FAM149A: variants seen among roughly 807,000 people sequenced by gnomAD.
The protein encoded by FAM149A is protein FAM149A.
Under a neutral mutation model 78.2 loss-of-function variants are expected in FAM149A, and 71 were observed. The observed-to-expected ratio is 0.91, with a 90% CI of 0.75 to 1.11. The LOEUF is 1.11. Ranked by LOEUF, FAM149A falls within the 50% of genes least tolerant of loss-of-function variation. FAM149A has a pLI of 0.00. For missense variants in FAM149A, 1,036 were observed against 971.0 expected (o/e 1.07, Z -0.89); for synonymous variants, 446 against 410.5 (o/e 1.09, Z -1.04).
chr4:186,118,072 G>A, intron 1 of FAM149A: 3 of 985,404 alleles, frequency 3.0e-6, no homozygotes, highest in Non-Finnish European at 3.6e-6. Flanking sequence ...CCAGGCACGG[G>A]GCTGGACATT....
chr4:186,116,474 T>G (rs1214140941), intron 1 of FAM149A: 4 of 984,948 alleles, frequency 4.1e-6, no homozygotes, highest in Non-Finnish European at 4.8e-6. Context: ...TTAAAGATAA[T>G]AATGAATTCA....
chr4:186,132,614 A>G (rs2099321178), intron 1 of FAM149A, among the ~76,000 whole-genome samples: 1 of 152,082 alleles, frequency 6.6e-6, no homozygotes, highest in African/African-American at 2.4e-5. Context: ...GCTGGAGGGG[A>G]TAGGAGGGTA....
Position 186,144,924 on chromosome 4 carries a change from G to GGCGGGC in FAM149A, c.567-4217_567-4212dup, listed in dbSNP as rs749317405. On this transcript the variant is annotated intron_variant, in intron 1 of 13. Coordinates refer to ENST00000389354, the MANE Select transcript of FAM149A (RefSeq NM_001367768.3). This position sits in a 1 kb window ranked among gnomAD's most constrained non-coding sequence, Gnocchi z 4.2. ...GCCGCCTGAGCTGGGCCAGCCGCGCGGCGGGCGCGGGCGCGGGCGCGGGCG... is the reference window on the plus strand; with the variant it reads ...GCCGCCTGAGCTGGGCCAGCCGCGCGGCGGGCGCGGGCGCGGGCGCGGGCGCGGGCG... 943 of 970,516 alleles carry GGCGGGC rather than the reference G, an allele frequency of 9.7e-4. 3 individuals are homozygous for GGCGGGC. In the East Asian group the frequency reaches 0.012, roughly 13 times the overall value. The allele number at this position is 970,516 out of a possible 1,614,324, so 60.1% of individuals were successfully genotyped here.
At chr4:186,169,242 AT>A in intron 13 of FAM149A, 5 of 983,808 alleles carry the variant, frequency 5.1e-6, no homozygotes, top group Non-Finnish European at 6.0e-6. Context: ...TTCTACAATT[AT>A]AAAAAATAAT....
intron 8 of FAM149A, chr4:186,158,243 C>A: frequency 8.0e-7 from 1 of 1,253,820 alleles, no homozygotes; most frequent in Non-Finnish European, 1.0e-6. Flanking sequence ...GGCAGCCTTC[C>A]GGGAGCCATG....
chr4:186,161,024 G>C, intron 8 of FAM149A: 1 of 194,620 alleles, frequency 5.1e-6, no homozygotes, highest in Non-Finnish European at 9.4e-6. Flanking sequence ...TTCAATAAGT[G>C]TTACCTTTTG....
intron 8 of FAM149A, chr4:186,158,094 G>C: frequency 7.5e-7 from 1 of 1,341,390 alleles, no homozygotes; most frequent in Non-Finnish European, 9.8e-7. Flanking sequence ...TCGTGCCATT[G>C]TTGCTGTTGA....
At position 186,165,381 on chromosome 4, in the gene FAM149A, C is replaced by T; in HGVS notation, c.1927C>T (p.Gln643Ter). The T allele has an allele frequency of 6.2e-7, 1 of 1,614,212 alleles. No individual in the cohort carries two copies. Among genetic ancestry groups the T allele is most frequent in the South Asian group, 1.1e-5 (1 of 91,082 alleles). The stretch of plus-strand genomic sequence containing the variant: ...GGACCACATGGCTTCCCCACTGGTT[C>T]AAACGTCACGGAGCAGGTTCCCCCC... The change falls in exon 11 of 14, where the codon CAA becomes TAA. Residue 643 changes from glutamine (Q) to a stop codon, truncating the protein, a stop_gained. Coordinates refer to ENST00000389354, the MANE Select transcript of FAM149A (RefSeq NM_001367768.3). LOFTEE classifies it high-confidence loss of function.
chr4:186,152,602 T>G (rs1733680691), intron 4 of FAM149A, among the ~76,000 whole-genome samples: 2 of 138,198 alleles, frequency 1.4e-5, no homozygotes, highest in Admixed American at 8.2e-5. Context: ...TGGAGTGCAG[T>G]GGCGCGATCT....
chr4:186,156,277 T>C, intron 7 of FAM149A, 87 bp downstream of exon 7: 1 of 1,079,638 alleles, frequency 9.3e-7, no homozygotes, highest in Non-Finnish European at 1.4e-6. Context: ...TGGCCAGACC[T>C]AGAACGTGAC....
intron 3 of FAM149A, among the ~76,000 whole-genome samples, chr4:186,151,294 G>A (rs760211859): frequency 6.6e-6 from 1 of 152,154 alleles, no homozygotes; most frequent in African/African-American, 2.4e-5. Context: ...CAAATTCTAG[G>A]ATTCTTTTAG....
intron 1 of FAM149A, among the ~76,000 whole-genome samples, chr4:186,121,083 AT>A (rs1175276147): frequency 6.6e-6 from 1 of 151,830 alleles, no homozygotes; most frequent in Non-Finnish European, 1.5e-5. Flanking sequence ...TAAAGCATTC[AT>A]TTTTTCAACT....
At chr4:186,123,094 T>C in intron 1 of FAM149A, 1 of 360,072 alleles carries the variant, frequency 2.8e-6, no homozygotes, top group Non-Finnish European at 3.9e-6. Flanking sequence ...AGGAGATACT[T>C]TCATTCATAG....
rs1734818768 is a variant in FAM149A, at chr4:186,164,062, T to G, written c.1889+429T>G. 6.6e-6 allele frequency among the ~76,000 whole-genome samples: 1 copy of G among 152,238 alleles called. No homozygotes were observed. The highest frequency in any genetic ancestry group is 1.5e-5 in the Non-Finnish European group (1 of 68,042). On this transcript the variant is annotated intron_variant, in intron 10 of 13. Coordinates refer to ENST00000389354, the MANE Select transcript of FAM149A (RefSeq NM_001367768.3). This position sits in a 1 kb window ranked among gnomAD's most constrained non-coding sequence, Gnocchi z 4.0. ...ATGCATTTTTCTCTATGTGGGAGTT[T>G]CAGCAAAGCTGTTGATTGCAGGATT...
chr4:186,152,188 A>G (rs901445442), intron 4 of FAM149A, 143 bp downstream of exon 4: 1 of 740,710 alleles, frequency 1.4e-6, no homozygotes, highest in African/African-American at 1.8e-5. Context: ...TCACTGAGAG[A>G]TCACTTTCCT....
chr4:186,119,325 G>T (rs2099315029), intron 1 of FAM149A, among the ~76,000 whole-genome samples: 2 of 152,116 alleles, frequency 1.3e-5, no homozygotes, highest in Admixed American at 1.3e-4. Flanking sequence ...AAAAAGAGTT[G>T]CCCCTTTTTG....
At chr4:186,133,704 G>A (rs1037954293) in intron 1 of FAM149A, among the ~76,000 whole-genome samples, 1 of 152,176 alleles carries the variant, frequency 6.6e-6, no homozygotes, top group Non-Finnish European at 1.5e-5. Flanking sequence ...CACTCAGGCT[G>A]GAGTACAGTG....
chr4:186,151,762 T>C (rs1733603542), intron 3 of FAM149A, 141 bp from the exon 4 acceptor site: 4 of 1,438,294 alleles, frequency 2.8e-6, no homozygotes, highest in Non-Finnish European at 2.8e-6. Flanking sequence ...CAGGTGTGTC[T>C]GACTGCAAAG....
rs375145061 is a variant in FAM149A, at chr4:186,167,689, T to C, written c.2218+427T>C. 35 of 285,830 alleles carry C rather than the reference T, an allele frequency of 1.2e-4. No homozygotes were observed. The East Asian group carries it at 1.3e-3, about 10-fold the overall frequency. The allele number at this position is 285,830 out of a possible 1,614,324, so 17.7% of individuals were successfully genotyped here. On this transcript the variant is annotated intron_variant, in intron 13 of 13. Coordinates refer to ENST00000389354, the MANE Select transcript of FAM149A (RefSeq NM_001367768.3). ...TGCTAATTACTTTATAACACAAGGT[T>C]TTACAGATAAATAGGTATTCTCAGC... is the stretch of plus-strand genomic sequence containing the variant.
Sources: allele counts gnomAD v4.1 joint callset (sites outside exome capture counted in the v4.1 genomes callset), GRCh38; gene constraint gnomAD v4.1.1; non-coding constraint Gnocchi (gnomAD v3.1); transcripts MANE v1.5; gene names NCBI Gene and HGNC (gene_info 2026-07-23, HGNC 2026-07-21).